The following P3H2 variants were observed in gnomAD, a reference collection of about 807,000 sequenced individuals.
P3H2 encodes the protein leprecan-like 1.
A neutral mutation model predicts 87.0 loss-of-function variants in P3H2; 80 were observed. That is an observed-to-expected ratio of 0.92 (90% CI 0.77 to 1.11). P3H2 has a LOEUF of 1.11. Among genes scored for constraint, P3H2 ranks in the 50% least tolerant of loss-of-function variants. P3H2 has a pLI of 0.00. For missense variants in P3H2, 1,001 were observed against 923.9 expected (o/e 1.08, Z -1.08); for synonymous variants, 367 against 359.3 (o/e 1.02, Z -0.24).
At chr3:190,055,487 GA>G (rs910209383) in intron 1 of P3H2, among the ~76,000 whole-genome samples, 92 of 142,954 alleles carry the variant, frequency 6.4e-4, no homozygotes, top group South Asian at 8.8e-4. Context: ...AACAAAATGT[GA>G]AAAAAAAAAT....
intron 1 of P3H2, among the ~76,000 whole-genome samples, chr3:190,000,674 G>A (rs1445313776): frequency 6.6e-6 from 1 of 152,200 alleles, no homozygotes; most frequent in Non-Finnish European, 1.5e-5. Flanking sequence ...GGCATTCCAG[G>A]CCAAAGAAAG....
intron 1 of P3H2, among the ~76,000 whole-genome samples, chr3:190,093,738 G>C (rs1727486380): frequency 6.6e-6 from 1 of 152,210 alleles, no homozygotes; most frequent in Admixed American, 6.5e-5. Flanking sequence ...TTTTGGGTTT[G>C]GTTTAACATT....
intron 14 of P3H2, among the ~76,000 whole-genome samples, chr3:189,959,478 T>C (rs1486598184): frequency 1.4e-5 from 2 of 145,278 alleles, no homozygotes; most frequent in African/African-American, 2.5e-5. Flanking sequence ...ATTGTTCAAT[T>C]CCCACCTATG....
Position 190,120,449 on chromosome 3 carries a change from G to A in P3H2, c.283C>T (p.Pro95Ser). 2.1e-6 allele frequency: 3 copies of A among 1,427,478 alleles called. No individual in the cohort carries two copies. The highest frequency in any genetic ancestry group is 2.7e-6 in the Non-Finnish European group (3 of 1,101,572). The allele number at this position is 1,427,478 out of a possible 1,614,324, so 88.4% of individuals were successfully genotyped here. A position where few individuals can be genotyped will look rare whatever the true frequency, so the allele number is the denominator to read the frequency against. ...GGGCCCTCGCCGGGGGGCGGGGGCG[G>A]GAGCGGGTGGCGCGCCGCGCAGTGG... ...ARHCAARHPL[P>S]PPPPGEGPGA... The change falls in exon 1 of 15, where the codon CCG becomes TCG. Residue 95 changes from proline (P) to serine (S), a missense_variant. By Grantham distance (74) the Pro-to-Ser change is moderately conservative. Transcript: ENST00000319332.
intron 1 of P3H2, among the ~76,000 whole-genome samples, chr3:190,103,714 C>T (rs1053461408): frequency 1.3e-5 from 2 of 152,092 alleles, no homozygotes; most frequent in South Asian, 2.1e-4. Context: ...TAGCACAATC[C>T]GGTTCACCGA....
intron 8 of P3H2, among the ~76,000 whole-genome samples, chr3:189,979,920 A>T (rs971087344): frequency 4.6e-5 from 7 of 152,256 alleles, no homozygotes; most frequent in African/African-American, 1.7e-4. Context: ...GTGAGCTGAG[A>T]TCGCACCACT....
At chr3:190,092,286 A>G (rs565169448) in intron 1 of P3H2, among the ~76,000 whole-genome samples, 1 of 152,252 alleles carries the variant, frequency 6.6e-6, no homozygotes, top group East Asian at 1.9e-4. Flanking sequence ...ATCAAAGGAG[A>G]AATACTTCAG....
intron 1 of P3H2, among the ~76,000 whole-genome samples, chr3:190,103,894 C>A (rs3106806): frequency 0.11 from 16,586 of 151,976 alleles, 1,134 homozygotes; most frequent in Non-Finnish European, 0.15. Context: ...CAGGTTCAAC[C>A]GATTCTCGTG....
chr3:190,063,676 G>T (rs531167961), intron 1 of P3H2, among the ~76,000 whole-genome samples: 1 of 152,046 alleles, frequency 6.6e-6, no homozygotes, highest in Non-Finnish European at 1.5e-5. Context: ...GTCTCCTCAC[G>T]CCCACTGTGG....
At chr3:190,115,129 T>C (rs1357218270) in intron 1 of P3H2, among the ~76,000 whole-genome samples, 2 of 152,138 alleles carry the variant, frequency 1.3e-5, no homozygotes, top group East Asian at 1.9e-4. Context: ...CAAAATAGAA[T>C]TGTCTAATGT....
intron 1 of P3H2, among the ~76,000 whole-genome samples, chr3:190,039,125 G>C (rs536325886): frequency 1.0e-3 from 150 of 150,440 alleles, no homozygotes; most frequent in East Asian, 9.7e-3. Context: ...GGAGGCAGAG[G>C]TTGCGGTGAG....
intron 1 of P3H2, among the ~76,000 whole-genome samples, chr3:190,095,658 T>A (rs1045799741): frequency 4.7e-5 from 7 of 150,284 alleles, no homozygotes; most frequent in Non-Finnish European, 8.9e-5. Context: ...TGGAGTGCAG[T>A]GGCGTGATCT....
At chr3:190,029,721 C>A (rs914399587) in intron 1 of P3H2, among the ~76,000 whole-genome samples, 1 of 152,116 alleles carries the variant, frequency 6.6e-6, no homozygotes, top group Non-Finnish European at 1.5e-5. Context: ...AATTTGCTGG[C>A]CAGGCACGGT....
At position 190,024,823 on chromosome 3, in the gene P3H2, T is replaced by A. The variant is rs531738504; in HGVS notation, c.481-29381A>T. ...GTGAGAGAAAACACACAGAATTACATTTTTCTTACAGACAATGTTAATATT... is the reference window on the plus strand; with the variant it reads ...GTGAGAGAAAACACACAGAATTACAATTTTCTTACAGACAATGTTAATATT... On this transcript the variant is annotated intron_variant, in intron 1 of 14. Transcript: ENST00000319332. Among the ~76,000 whole-genome samples, 6 of 152,300 alleles carry A rather than the reference T, an allele frequency of 3.9e-5. No individual in the cohort carries two copies. In the South Asian group the frequency reaches 1.2e-3, roughly 32 times the overall value.
At chr3:189,983,355 T>A (rs1307689260) in intron 7 of P3H2, 14 of 559,796 alleles carry the variant, frequency 2.5e-5, no homozygotes, top group African/African-American at 3.8e-5. Flanking sequence ...TAAATCTTCT[T>A]AGCAACCTTT....
At chr3:190,025,454 G>C (rs6782578) in intron 1 of P3H2, among the ~76,000 whole-genome samples, 8,521 of 152,074 alleles carry the variant, frequency 0.056, 722 homozygotes, top group African/African-American at 0.19. Flanking sequence ...AATTTAGTAG[G>C]TTTGTTTTCT....
intron 1 of P3H2, among the ~76,000 whole-genome samples, chr3:190,056,576 C>T (rs148389650): frequency 1.2e-4 from 19 of 152,268 alleles, no homozygotes; most frequent in Admixed American, 2.0e-4. Flanking sequence ...CTACAGGGAA[C>T]GTAATTTCAA....
chr3:189,971,846 A>G (rs1034121543), intron 12 of P3H2, 44 bp downstream of exon 12: 1 of 1,173,044 alleles, frequency 8.5e-7, no homozygotes, highest in Non-Finnish European at 1.3e-6. Flanking sequence ...CTGCTTGAAA[A>G]CTGTTAGGTA....
intron 1 of P3H2, among the ~76,000 whole-genome samples, chr3:190,036,682 T>G (rs2108951269): frequency 6.6e-6 from 1 of 152,350 alleles, no homozygotes; most frequent in Admixed American, 6.5e-5. Context: ...TCTCACTCAC[T>G]GAGTCTACCT....
Sources: allele counts gnomAD v4.1 joint callset (sites outside exome capture counted in the v4.1 genomes callset), GRCh38; gene constraint gnomAD v4.1.1; transcripts MANE v1.5; gene names NCBI Gene and HGNC (gene_info 2026-07-23, HGNC 2026-07-21).